Variants in MDFIC2 observed in about 807,000 individuals in gnomAD.
MDFIC2 encodes the protein myoD family inhibitor domain-containing protein 2.
chr3:70,246,338 T>C (rs969848312), intron 2 of MDFIC2, among the ~76,000 whole-genome samples: 10 of 152,224 alleles, frequency 6.6e-5, no homozygotes, highest in African/African-American at 2.2e-4. Context: ...GGAAAGAAAC[T>C]GTCTAAGTCT....
intron 2 of MDFIC2, among the ~76,000 whole-genome samples, chr3:70,229,890 A>G (rs1361217399): frequency 2.6e-5 from 4 of 152,234 alleles, no homozygotes; most frequent in African/African-American, 9.6e-5. Context: ...AATTTGGGAT[A>G]CAACTTATAT....
chr3:70,215,103 A>T (rs1701393580), intron 2 of MDFIC2, among the ~76,000 whole-genome samples: 1 of 152,138 alleles, frequency 6.6e-6, no homozygotes. Context: ...ATCACAATTT[A>T]TTCATCCGAA....
At chr3:70,289,638 A>G (rs1269627507) in intron 2 of MDFIC2, among the ~76,000 whole-genome samples, 1 of 151,324 alleles carries the variant, frequency 6.6e-6, no homozygotes, top group Non-Finnish European at 1.5e-5. Flanking sequence ...TCTCCTGGAT[A>G]ATATCCTGCA....
chr3:70,206,246 T>C (rs1006942334), intron 3 of MDFIC2, among the ~76,000 whole-genome samples: 6 of 152,044 alleles, frequency 3.9e-5, no homozygotes, highest in African/African-American at 1.4e-4. Context: ...ATAGACTGAA[T>C]AGTTCCATGT....
chr3:70,206,236 A>G (rs1182975151), intron 3 of MDFIC2, among the ~76,000 whole-genome samples: 1 of 152,030 alleles, frequency 6.6e-6, no homozygotes, highest in Admixed American at 6.6e-5. Flanking sequence ...GACTAGAGTT[A>G]TAGACTGAAT....
chr3:70,215,311 C>T (rs1346429331), intron 2 of MDFIC2, among the ~76,000 whole-genome samples: 1 of 152,078 alleles, frequency 6.6e-6, no homozygotes, highest in Non-Finnish European at 1.5e-5. Context: ...ATTCCTATGG[C>T]AGTCAGACTT....
At chr3:70,255,371 T>C (rs1011081070) in intron 2 of MDFIC2, among the ~76,000 whole-genome samples, 10 of 152,160 alleles carry the variant, frequency 6.6e-5, no homozygotes, top group African/African-American at 2.4e-4. Context: ...GTTCTTGACA[T>C]TTGGTTCATA....
At chr3:70,247,704 T>G (rs1298471331) in intron 2 of MDFIC2, among the ~76,000 whole-genome samples, 1 of 151,934 alleles carries the variant, frequency 6.6e-6, no homozygotes, top group Non-Finnish European at 1.5e-5. Context: ...TTCTACTGTA[T>G]ACATGCTATG....
At chr3:70,291,471 T>C (rs147892621) in intron 2 of MDFIC2, among the ~76,000 whole-genome samples, 1 of 152,352 alleles carries the variant, frequency 6.6e-6, no homozygotes, top group Non-Finnish European at 1.5e-5. Context: ...ATCTTGTCTA[T>C]AGCTCTGTTC....
chr3:70,273,343 T>C (rs1259779754), intron 2 of MDFIC2, among the ~76,000 whole-genome samples: 3 of 152,170 alleles, frequency 2.0e-5, no homozygotes, highest in African/African-American at 7.2e-5. Flanking sequence ...TTATCACCTC[T>C]TTTTTCTTCG....
At chr3:70,222,944 T>C (rs1279805006) in intron 2 of MDFIC2, among the ~76,000 whole-genome samples, 1 of 152,328 alleles carries the variant, frequency 6.6e-6, no homozygotes, top group East Asian at 1.9e-4. Flanking sequence ...ACCTACATAA[T>C]TTATATATCA....
intron 2 of MDFIC2, among the ~76,000 whole-genome samples, chr3:70,215,136 C>A (rs1476008809): frequency 6.6e-6 from 1 of 152,084 alleles, no homozygotes; most frequent in Non-Finnish European, 1.5e-5. Context: ...CACTTAAAGT[C>A]TCTTATGTGC....
At chr3:70,297,543 T>C (rs1391396808) in intron 2 of MDFIC2, among the ~76,000 whole-genome samples, 2 of 152,162 alleles carry the variant, frequency 1.3e-5, no homozygotes, top group Non-Finnish European at 2.9e-5. Flanking sequence ...TTATTGCATA[T>C]GTCTGGGTAC....
intron 2 of MDFIC2, among the ~76,000 whole-genome samples, chr3:70,268,268 C>A (rs555157341): frequency 6.6e-6 from 1 of 152,122 alleles, no homozygotes; most frequent in Non-Finnish European, 1.5e-5. Flanking sequence ...CGCAGAAGTT[C>A]GCGACCAGCC....
At chr3:70,281,555 A>G (rs1333734882) in intron 2 of MDFIC2, among the ~76,000 whole-genome samples, 5 of 152,192 alleles carry the variant, frequency 3.3e-5, no homozygotes. Context: ...TGTCTAGCAC[A>G]GGGTAAAAGC....
intron 2 of MDFIC2, among the ~76,000 whole-genome samples, chr3:70,278,981 A>G (rs1702055008): frequency 6.6e-6 from 1 of 151,648 alleles, no homozygotes; most frequent in African/African-American, 2.4e-5. Context: ...AAAACAGTGA[A>G]GTGGCTCTGA....
At chr3:70,212,827 A>G (rs889705342) in intron 2 of MDFIC2, among the ~76,000 whole-genome samples, 3 of 151,942 alleles carry the variant, frequency 2.0e-5, no homozygotes, top group Non-Finnish European at 2.9e-5. Flanking sequence ...TCACTCTGTC[A>G]CCCAGGCTGG....
At position 70,311,934 on chromosome 3, in the gene MDFIC2, C is replaced by T. The variant is rs962846432; in HGVS notation, c.40G>A (p.Ala14Thr). ...TTTTTATCATTTTCTAAATGCTCAGCTGTTCTTACTTTTATCTTTTCCAGC... is the reference window on the plus strand; with the variant it reads ...TTTTTATCATTTTCTAAATGCTCAGTTGTTCTTACTTTTATCTTTTCCAGC... ...TELEKIKVRT[A>T]EHLENDKNNI... Residue 14 changes from alanine to threonine, a missense_variant, in exon 2 of 4, where the codon GCT (alanine) becomes ACT (threonine). Coordinates refer to ENST00000567252, the MANE Select transcript of MDFIC2 (RefSeq NM_001364677.1). 8 of 397,778 alleles carry T rather than the reference C, an allele frequency of 2.0e-5. No homozygotes were observed. The highest frequency in any genetic ancestry group is 4.4e-5 in the Admixed American group (1 of 22,698). The allele number at this position is 397,778 out of a possible 1,614,324, so 24.6% of individuals were successfully genotyped here. A position where few individuals can be genotyped will look rare whatever the true frequency, so the allele number is the denominator to read the frequency against.
In MDFIC2 at chr3:70,196,488, A is replaced by G. The variant is rs895001839; in HGVS notation, c.*438T>C. On this transcript the variant is annotated 3_prime_UTR_variant, in exon 4 of 4. Coordinates refer to ENST00000567252, the MANE Select transcript of MDFIC2 (RefSeq NM_001364677.1). ...CATTATTAATAATAACCAACAATGC[A>G]TAATGTTTATGCATGAGTCCATTAG... Among the ~76,000 whole-genome samples the G allele has an allele frequency of 1.3e-5, 2 of 152,238 alleles. No homozygotes were observed. Among genetic ancestry groups the G allele is most frequent in the Non-Finnish European group, 2.9e-5 (2 of 68,040 alleles).
Sources: allele counts gnomAD v4.1 joint callset (sites outside exome capture counted in the v4.1 genomes callset), GRCh38; gene constraint gnomAD v4.1.1; transcripts MANE v1.5; gene names NCBI Gene and HGNC (gene_info 2026-07-23, HGNC 2026-07-21).